Variants in CHCHD6 observed in about 807,000 individuals in gnomAD.
CHCHD6 encodes the protein MICOS complex subunit MIC25.
In CHCHD6, 28 loss-of-function variants were observed where a neutral mutation model predicts 32.3. That is an observed-to-expected ratio of 0.87 (90% confidence interval 0.64 to 1.19). The LOEUF (loss-of-function observed/expected upper bound fraction) is 1.19. Among genes scored for constraint, CHCHD6 ranks in the 50% most tolerant of loss-of-function variants. CHCHD6 has a pLI of 0.00. For synonymous variants in CHCHD6, 122 were observed against 117.5 expected (o/e 1.04, Z -0.25); for missense variants, 333 against 307.0 (o/e 1.08, Z -0.63).
chr3:126,908,195 G>A (rs1383540049), intron 5 of CHCHD6, among the ~76,000 whole-genome samples: 2 of 151,270 alleles, frequency 1.3e-5, no homozygotes, highest in Non-Finnish European at 2.9e-5. Context: ...AGCACAGTCA[G>A]TGACTGTTTG....
chr3:126,854,568 CT>C (rs1559882572), intron 5 of CHCHD6, among the ~76,000 whole-genome samples: 1 of 152,280 alleles, frequency 6.6e-6, no homozygotes, highest in Non-Finnish European at 1.5e-5. Flanking sequence ...ATCTGACAAT[CT>C]TTTTTTATTA....
At position 126,852,731 on chromosome 3, in the gene CHCHD6, G is replaced by A. The variant is rs772758143; in HGVS notation, c.495+1G>A. The A allele has an allele frequency of 2.5e-6, 4 of 1,606,962 alleles. No homozygotes were observed. In the African/African-American group the frequency reaches 4.0e-5, roughly 16 times the overall value. On this transcript the variant is annotated splice_donor_variant, in intron 5 of 7. Transcript: ENST00000290913. LOFTEE classifies it high-confidence loss of function. Reference sequence around the variant, plus strand: ...GCAGCTGGAGCGTATTGAGAGGAAGGTAAGACTCCTGCTTGGCTGCATTCC... The same window carrying A: ...GCAGCTGGAGCGTATTGAGAGGAAGATAAGACTCCTGCTTGGCTGCATTCC...
At chr3:126,801,914 A>C (rs540568808) in intron 4 of CHCHD6, among the ~76,000 whole-genome samples, 1 of 152,118 alleles carries the variant, frequency 6.6e-6, no homozygotes, top group South Asian at 2.1e-4. Context: ...ATGAAAATCC[A>C]CTGTTCTGCA....
At chr3:126,863,497 TCTACTATCACCACCTCC>T in intron 5 of CHCHD6, among the ~76,000 whole-genome samples, 1 of 114,110 alleles carries the variant, frequency 8.8e-6, no homozygotes, top group African/African-American at 3.5e-5. Flanking sequence ...CTCCTCCTCC[TCTACTATCACCACCTCC>T]TCCTCCACCA....
chr3:126,916,007 A>G (rs1051530919), intron 6 of CHCHD6, among the ~76,000 whole-genome samples: 3 of 150,046 alleles, frequency 2.0e-5, no homozygotes, highest in Non-Finnish European at 4.4e-5. Context: ...GGCTTAGTGT[A>G]GGGGTTTTAT....
At chr3:126,951,175 T>A (rs1262250551) in intron 6 of CHCHD6, among the ~76,000 whole-genome samples, 3 of 152,182 alleles carry the variant, frequency 2.0e-5, no homozygotes, top group African/African-American at 7.2e-5. Flanking sequence ...CCGCTTTGCA[T>A]CTCTGTCTCA....
chr3:126,740,263 T>C (rs1368413718), intron 4 of CHCHD6, among the ~76,000 whole-genome samples: 1 of 152,174 alleles, frequency 6.6e-6, no homozygotes, highest in Non-Finnish European at 1.5e-5. Context: ...TACTGTTGCT[T>C]GGTGGTCAGT....
intron 4 of CHCHD6, among the ~76,000 whole-genome samples, chr3:126,756,565 C>T (rs1576377828): frequency 1.3e-5 from 2 of 152,338 alleles, no homozygotes; most frequent in African/African-American, 4.8e-5. Context: ...CCTACTCTGT[C>T]ATACCCACAC....
intron 5 of CHCHD6, among the ~76,000 whole-genome samples, chr3:126,908,164 A>G (rs115033906): frequency 0.012 from 1,809 of 152,330 alleles, 19 homozygotes; most frequent in Middle Eastern, 0.048. Context: ...GGAGTTTTGA[A>G]TACATTGCTG....
chr3:126,906,314 C>A (rs890869920), intron 5 of CHCHD6, among the ~76,000 whole-genome samples: 1 of 144,636 alleles, frequency 6.9e-6, no homozygotes, highest in South Asian at 2.1e-4. Context: ...ATGGCCACTT[C>A]CACTCTTTCT....
chr3:126,871,559 G>A (rs980686931), intron 5 of CHCHD6, among the ~76,000 whole-genome samples: 1 of 151,996 alleles, frequency 6.6e-6, no homozygotes, highest in Non-Finnish European at 1.5e-5. Flanking sequence ...TTCCCTCAAG[G>A]GAGCCCCGTC....
intron 4 of CHCHD6, among the ~76,000 whole-genome samples, chr3:126,849,735 A>C (rs1288874787): frequency 6.6e-6 from 1 of 152,208 alleles, no homozygotes; most frequent in Admixed American, 6.5e-5. Context: ...TTATCTGCAC[A>C]CACATTTGTG....
intron 4 of CHCHD6, among the ~76,000 whole-genome samples, chr3:126,842,696 T>G (rs1409891367): frequency 6.6e-6 from 1 of 152,218 alleles, no homozygotes; most frequent in Non-Finnish European, 1.5e-5. Flanking sequence ...AACGTAGAAC[T>G]TTTATTCTTG....
chr3:126,740,632 G>T (rs1388749738), intron 4 of CHCHD6, among the ~76,000 whole-genome samples: 1 of 152,102 alleles, frequency 6.6e-6, no homozygotes, highest in Non-Finnish European at 1.5e-5. Flanking sequence ...GGGTAGAAAG[G>T]GCTGTGCCAC....
At chr3:126,884,653 G>A (rs1294135281) in intron 5 of CHCHD6, among the ~76,000 whole-genome samples, 1 of 152,206 alleles carries the variant, frequency 6.6e-6, no homozygotes, top group Non-Finnish European at 1.5e-5. Context: ...AGAGGCGGGT[G>A]TGGAAAAGGA....
At chr3:126,781,355 A>G (rs993416176) in intron 4 of CHCHD6, among the ~76,000 whole-genome samples, 1 of 152,196 alleles carries the variant, frequency 6.6e-6, no homozygotes, top group African/African-American at 2.4e-5. Context: ...GTAATACTCT[A>G]ATTTGGCCTG....
intron 5 of CHCHD6, among the ~76,000 whole-genome samples, chr3:126,868,915 G>A (rs1270669318): frequency 1.3e-5 from 2 of 152,200 alleles, no homozygotes; most frequent in Non-Finnish European, 2.9e-5. Context: ...TTGCCAGATT[G>A]CCATGCATAG....
intron 4 of CHCHD6, among the ~76,000 whole-genome samples, chr3:126,772,903 C>G (rs113316972): frequency 0.014 from 2,092 of 152,260 alleles, 46 homozygotes; most frequent in African/African-American, 0.045. Flanking sequence ...CCTTTCAGGA[C>G]CTCTGGTAAG....
At chr3:126,867,241 A>G (rs1942318572) in intron 5 of CHCHD6, among the ~76,000 whole-genome samples, 1 of 152,200 alleles carries the variant, frequency 6.6e-6, no homozygotes, top group South Asian at 2.1e-4. Flanking sequence ...GTTGATGTTC[A>G]CTGCTGCTGA....
Sources: gnomAD v4.1 joint callset for allele counts (sites outside exome capture counted in the v4.1 genomes callset) on GRCh38, gnomAD v4.1.1 for gene constraint, MANE v1.5 for transcripts, NCBI Gene and HGNC (gene_info 2026-07-23, HGNC 2026-07-21) for gene names.